The following IL7 variants were observed in gnomAD, a reference collection of about 807,000 sequenced individuals.
IL7 encodes interleukin 7.
A neutral mutation model predicts 21.6 loss-of-function variants in IL7; 3 were observed. The ratio of observed to expected loss-of-function variants is 0.14; its 90% CI spans 0.06 to 0.36. IL7 has a LOEUF of 0.36. Among genes scored for constraint, IL7 ranks in the 10% least tolerant of loss-of-function variants. The pLI, the probability that IL7 is intolerant of heterozygous loss-of-function variation, is 1.00. For synonymous variants in IL7, 62 were observed against 68.1 expected, an observed-to-expected ratio of 0.91 and a Z score of 0.44; for missense variants, 175 against 200.2, an observed-to-expected ratio of 0.87 and a Z score of 0.76.
At chr8:78,729,908 T>C (rs1811395191), downstream of IL7, among the ~76,000 whole-genome samples, 1 of 151,814 alleles carries the variant, frequency 6.6e-6, no homozygotes, top group African/African-American at 2.4e-5. Flanking sequence ...AGATAACAGG[T>C]GGTAGGTTAT....
chr8:78,749,632 G>T (rs2130728240), intron 2 of IL7, among the ~76,000 whole-genome samples: 1 of 152,266 alleles, frequency 6.6e-6, no homozygotes, highest in South Asian at 2.1e-4. Context: ...ACAACTTAGA[G>T]AATTAAAAAC....
At chr8:78,731,916 T>G (rs1586048166), downstream of IL7, among the ~76,000 whole-genome samples, 1 of 152,118 alleles carries the variant, frequency 6.6e-6, no homozygotes, top group East Asian at 1.9e-4. Flanking sequence ...TATTGACCCT[T>G]ATTTTACCAT....
intron 4 of IL7, among the ~76,000 whole-genome samples, chr8:78,684,139 A>G (rs1019299086): frequency 2.2e-4 from 33 of 152,308 alleles, no homozygotes; most frequent in Middle Eastern, 3.4e-3. Context: ...AGTTGCTTAC[A>G]CATTTTGGGG....
intron 6 of IL7, chr8:78,718,950 T>C (rs1233942451): frequency 2.0e-5 from 3 of 151,806 alleles, no homozygotes; most frequent in Admixed American, 6.6e-5. Context: ...TGAAATTTAT[T>C]AGCTTAGTTT....
chr8:78,772,242 T>C (rs1262515625), intron 2 of IL7, among the ~76,000 whole-genome samples: 4 of 152,258 alleles, frequency 2.6e-5, no homozygotes, highest in African/African-American at 9.6e-5. Flanking sequence ...GATTCAAAAT[T>C]TTCAATCAAC....
In IL7 at chr8:78,789,881, C is replaced by T. The variant is rs115953975; in HGVS notation, c.147+8191G>A. 3.0e-3 allele frequency among the ~76,000 whole-genome samples: 463 copies of T among 152,222 alleles called. 1 individual carries two copies. The highest frequency in any genetic ancestry group is 0.01 in the African/African-American group (434 of 41,544). ...CTAAAATTACCTAAGATAGAGAATA[C>T]AGAAGCAGGAACAGGCTAAATGTGA... is the stretch of plus-strand genomic sequence containing the variant. On this transcript the variant is annotated intron_variant, in intron 2 of 5. Coordinates refer to ENST00000263851, the MANE Select transcript of IL7 (RefSeq NM_000880.4).
At chr8:78,709,389 G>A (rs1161247287) in intron 3 of IL7, among the ~76,000 whole-genome samples, 1 of 152,174 alleles carries the variant, frequency 6.6e-6, no homozygotes, top group Admixed American at 6.5e-5. Context: ...AAATGAATTT[G>A]TGTGGAGCGT....
At chr8:78,760,246 C>G in intron 2 of IL7, 2 of 1,604,964 alleles carry the variant, frequency 1.2e-6, no homozygotes, top group African/African-American at 2.7e-5. Flanking sequence ...TGTTTTATAT[C>G]AAAATTTATG....
intron 6 of IL7, chr8:78,718,695 C>A (rs1811177929): frequency 6.6e-6 from 1 of 151,684 alleles, no homozygotes; most frequent in Non-Finnish European, 1.5e-5. Context: ...TTATTTTTTT[C>A]TCTTTAACCT....
At chr8:78,738,379 T>C in intron 4 of IL7, 125 bp downstream of exon 4, 1 of 787,916 alleles carries the variant, frequency 1.3e-6, no homozygotes. Flanking sequence ...GTAAACATAC[T>C]TCAACTTTAG....
In IL7 at chr8:78,761,225, A is replaced by G. The variant is rs188438554; in HGVS notation, c.148-21143T>C. The stretch of plus-strand genomic sequence containing the variant: ...AAAAAGAACAGAAATTACGTTGTCA[A>G]GTTCTAAAAGCAGTTGTGGTGATCG... On this transcript the variant is annotated intron_variant, in intron 2 of 5. Coordinates refer to ENST00000263851, the MANE Select transcript of IL7 (RefSeq NM_000880.4). 6,158 of 1,596,830 alleles carry G rather than the reference A, an allele frequency of 3.9e-3. 73 individuals carry two copies. Among genetic ancestry groups the G allele is most frequent in the African/African-American group, 0.033 (2,463 of 74,022 alleles).
intron 2 of IL7, among the ~76,000 whole-genome samples, chr8:78,788,804 C>T (rs761874777): frequency 6.6e-6 from 1 of 152,126 alleles, no homozygotes; most frequent in Non-Finnish European, 1.5e-5. Context: ...CTGAATCTGT[C>T]AATTACTGAC....
At chr8:78,731,934 G>C (rs1369556747), downstream of IL7, among the ~76,000 whole-genome samples, 1 of 152,082 alleles carries the variant, frequency 6.6e-6, no homozygotes, top group Non-Finnish European at 1.5e-5. Context: ...CATAACATCA[G>C]AGAGAATATA....
chr8:78,684,912 A>G (rs1311330223), intron 4 of IL7, among the ~76,000 whole-genome samples: 1 of 152,208 alleles, frequency 6.6e-6, no homozygotes, highest in African/African-American at 2.4e-5. Flanking sequence ...TCGACCTAAT[A>G]AAGATTTTAA....
chr8:78,710,059 T>G (rs1810905487), intron 3 of IL7, among the ~76,000 whole-genome samples: 1 of 152,198 alleles, frequency 6.6e-6, no homozygotes, highest in Non-Finnish European at 1.5e-5. Context: ...ATGTTAAAGT[T>G]TATTTCAAAT....
At chr8:78,717,654 G>A, downstream of IL7, 1 of 675,204 alleles carries the variant, frequency 1.5e-6, no homozygotes, top group Non-Finnish European at 2.4e-6. Context: ...ATGTGTGTAT[G>A]TTTATATGTG....
At chr8:78,770,053 T>G (rs189913492) in intron 2 of IL7, among the ~76,000 whole-genome samples, 2 of 152,284 alleles carry the variant, frequency 1.3e-5, no homozygotes, top group East Asian at 3.9e-4. Context: ...ATTAAAGACT[T>G]AAATGTTAGG....
intron 2 of IL7, among the ~76,000 whole-genome samples, chr8:78,763,374 T>A (rs1201529735): frequency 2.0e-5 from 3 of 152,246 alleles, no homozygotes; most frequent in Non-Finnish European, 4.4e-5. Context: ...GAGGGAGAAA[T>A]TAGTAATATT....
chr8:78,681,443 A>G (rs1809775413), intron 4 of IL7, among the ~76,000 whole-genome samples: 1 of 152,182 alleles, frequency 6.6e-6, no homozygotes, highest in African/African-American at 2.4e-5. Context: ...AGAAATGTTA[A>G]AGAGTCAGTA....
Sources: allele counts gnomAD v4.1 joint callset (sites outside exome capture counted in the v4.1 genomes callset), GRCh38; gene constraint gnomAD v4.1.1; transcripts MANE v1.5; gene names NCBI Gene and HGNC (gene_info 2026-07-23, HGNC 2026-07-21).